The following ULK4 variants were observed in gnomAD, a reference collection of about 807,000 sequenced individuals.
The protein encoded by ULK4 is unc-51 like kinase 4, also known as inactive serine/threonine-protein kinase ULK4.
A neutral mutation model predicts 160.6 loss-of-function variants in ULK4; 133 were observed. The ratio of observed to expected loss-of-function variants is 0.83; its 90% CI spans 0.72 to 0.96. The LOEUF (loss-of-function observed/expected upper bound fraction) is 0.96. Ranked by LOEUF, ULK4 falls within the 40% of genes least tolerant of loss-of-function variation. The probability of loss-of-function intolerance (pLI) is 0.00; values close to 1 mark genes in which losing one functional copy is unlikely to be tolerated. For synonymous variants in ULK4, 534 were observed against 539.8 expected, an observed-to-expected ratio of 0.99 and a Z score of 0.15; for missense variants, 1,580 against 1,499.5, an observed-to-expected ratio of 1.05 and a Z score of -0.89.
At chr3:41,635,989 C>T (rs2033936505) in intron 30 of ULK4, among the ~76,000 whole-genome samples, 1 of 152,084 alleles carries the variant, frequency 6.6e-6, no homozygotes, top group African/African-American at 2.4e-5. Context: ...CTGGATGGTC[C>T]CATTTTCCAT....
At chr3:41,344,485 C>T (rs2080755425) in intron 35 of ULK4, among the ~76,000 whole-genome samples, 1 of 152,040 alleles carries the variant, frequency 6.6e-6, no homozygotes, top group South Asian at 2.1e-4. Context: ...GGTGAGGTGG[C>T]TCACACCTGT....
chr3:41,374,655 T>C (rs368332266), intron 35 of ULK4, among the ~76,000 whole-genome samples: 4 of 152,196 alleles, frequency 2.6e-5, no homozygotes, highest in African/African-American at 9.7e-5. Context: ...ATAAGAGCTA[T>C]TTATGACAAA....
chr3:41,677,691 T>C (rs913742006), intron 29 of ULK4, among the ~76,000 whole-genome samples: 3 of 152,196 alleles, frequency 2.0e-5, no homozygotes, highest in African/African-American at 7.2e-5. Flanking sequence ...GATTCTTTGA[T>C]ATTAATTCAT....
intron 22 of ULK4, among the ~76,000 whole-genome samples, chr3:41,744,891 A>G (rs55767961): frequency 0.12 from 17,507 of 151,640 alleles, 3,536 homozygotes; most frequent in African/African-American, 0.4. Context: ...ATCAAACTAT[A>G]TATCAATAAC....
chr3:41,469,129 G>A (rs1055329081), intron 32 of ULK4, among the ~76,000 whole-genome samples: 2 of 152,134 alleles, frequency 1.3e-5, no homozygotes, highest in Admixed American at 6.6e-5. Context: ...GGAGCAAGAC[G>A]ATCATCACAG....
intron 30 of ULK4, among the ~76,000 whole-genome samples, chr3:41,637,187 C>A (rs1435896956): frequency 2.0e-5 from 3 of 152,164 alleles, no homozygotes; most frequent in Admixed American, 2.0e-4. Context: ...TGACCAGCAT[C>A]TCCCCAACCT....
intron 17 of ULK4, chr3:41,859,235 T>C (rs1464185866): frequency 1.8e-6 from 1 of 540,812 alleles, no homozygotes; most frequent in Non-Finnish European, 3.6e-6. Context: ...AGGCAACTAA[T>C]GACCAAAATG....
intron 34 of ULK4, among the ~76,000 whole-genome samples, chr3:41,442,613 T>C (rs2083200099): frequency 6.6e-6 from 1 of 151,934 alleles, no homozygotes; most frequent in African/African-American, 2.4e-5. Flanking sequence ...ATTATTATTA[T>C]TAGAGACAGA....
intron 35 of ULK4, among the ~76,000 whole-genome samples, chr3:41,320,124 G>A (rs1213274045): frequency 6.6e-6 from 1 of 152,088 alleles, no homozygotes; most frequent in Admixed American, 6.6e-5. Flanking sequence ...TTCTAGCTCT[G>A]CTGTTTACTG....
intron 16 of ULK4, among the ~76,000 whole-genome samples, chr3:41,885,798 C>T (rs964712377): frequency 3.9e-5 from 6 of 152,004 alleles, no homozygotes; most frequent in African/African-American, 1.5e-4. Context: ...CCCAGCTGAG[C>T]CTCCCAAGTA....
At chr3:41,785,727 G>A (rs2039981415) in intron 21 of ULK4, among the ~76,000 whole-genome samples, 1 of 152,110 alleles carries the variant, frequency 6.6e-6, no homozygotes. Context: ...GTATAGACAG[G>A]TATAGACGAC....
Position 41,918,386 on chromosome 3 carries a change from A to T in ULK4, c.727+71T>A, listed in dbSNP as rs1699046427. ...GGGAGTTATGAATCAATAAAAGCAA[A>T]CGTTGGATAAAGGTACACCTTTAAT... On this transcript the variant is annotated intron_variant, in intron 7 of 36. Coordinates refer to ENST00000301831, the MANE Select transcript of ULK4 (RefSeq NM_017886.4). 4.0e-6 allele frequency: 4 copies of T among 999,282 alleles called. No homozygotes were observed. The African/African-American group carries it at 5.0e-5, about 13-fold the overall frequency. 61.9% of individuals were successfully genotyped at this position (999,282 alleles called of 1,614,324 possible). A position where few individuals can be genotyped will look rare whatever the true frequency, so the allele number is the denominator to read the frequency against.
chr3:41,597,364 C>G (rs1485818808), intron 31 of ULK4, among the ~76,000 whole-genome samples: 1 of 152,166 alleles, frequency 6.6e-6, no homozygotes, highest in Non-Finnish European at 1.5e-5. Context: ...CCTTTAGGCT[C>G]AAAACCTGCA....
chr3:41,843,194 T>G (rs1052387139), intron 17 of ULK4, among the ~76,000 whole-genome samples: 1 of 151,952 alleles, frequency 6.6e-6, no homozygotes, highest in African/African-American at 2.4e-5. Flanking sequence ...AATAAGCACA[T>G]AAAAAGATGT....
At chr3:41,795,110 A>T (rs1187341551) in intron 20 of ULK4, among the ~76,000 whole-genome samples, 1 of 152,226 alleles carries the variant, frequency 6.6e-6, no homozygotes, top group Admixed American at 6.5e-5. Flanking sequence ...AGACCTTAAA[A>T]AGGAGATTCA....
At chr3:41,667,518 C>A (rs571845817) in intron 29 of ULK4, among the ~76,000 whole-genome samples, 1 of 152,166 alleles carries the variant, frequency 6.6e-6, no homozygotes, top group Non-Finnish European at 1.5e-5. Flanking sequence ...CCTTTGAATG[C>A]AACTTAGCAG....
chr3:41,531,418 G>A lies in ULK4; in HGVS notation c.3226+34607C>T, dbSNP rs189270416. Among the ~76,000 whole-genome samples, 596 of 117,198 alleles carry A rather than the reference G, an allele frequency of 5.1e-3. 1 individual carries two copies. The highest frequency in any genetic ancestry group is 0.015 in the Middle Eastern group (3 of 194). The allele number at this position is 117,198 out of a possible 152,430, so 76.9% of individuals were successfully genotyped here. A position where few individuals can be genotyped will look rare whatever the true frequency, so the allele number is the denominator to read the frequency against. ...ATCACTCCACTGTACTCCAGCCTAG[G>A]TGACAGAGCAAGACTCCGTCTCAAA... On this transcript the variant is annotated intron_variant, in intron 32 of 36. Coordinates refer to ENST00000301831, the MANE Select transcript of ULK4 (RefSeq NM_017886.4).
intron 30 of ULK4, among the ~76,000 whole-genome samples, chr3:41,636,975 A>G (rs1025849965): frequency 4.6e-5 from 7 of 152,216 alleles, no homozygotes; most frequent in Non-Finnish European, 8.8e-5. Flanking sequence ...TAAAATGTAT[A>G]TATTGTGTAC....
At chr3:41,648,051 A>T (rs1471448153) in intron 30 of ULK4, among the ~76,000 whole-genome samples, 3 of 152,164 alleles carry the variant, frequency 2.0e-5, no homozygotes, top group African/African-American at 7.2e-5. Context: ...CCGTCGGAAA[A>T]GCGCAGTATT....
Sources: allele counts gnomAD v4.1 joint callset (sites outside exome capture counted in the v4.1 genomes callset), GRCh38; gene constraint gnomAD v4.1.1; transcripts MANE v1.5; gene names NCBI Gene and HGNC (gene_info 2026-07-23, HGNC 2026-07-21).